URB1: variants seen among roughly 807,000 people sequenced by gnomAD.
URB1 encodes the protein URB1 ribosome biogenesis factor, also known as nucleolar pre-ribosomal-associated protein 1.
URB1 carries 197 observed loss-of-function variants against 242.3 expected under a neutral mutation model. That is an observed-to-expected ratio of 0.81 (90% CI 0.72 to 0.91). The LOEUF is 0.91. URB1 is among the 40% of genes least tolerant of loss of function. The probability of loss-of-function intolerance (pLI) is 0.00; values close to 1 mark genes in which losing one functional copy is unlikely to be tolerated. For missense variants in URB1, 2,721 were observed against 2,860.5 expected, an observed-to-expected ratio of 0.95 and a Z score of 1.11; for synonymous variants, 1,153 against 1,201.8, an observed-to-expected ratio of 0.96 and a Z score of 0.84.
At chr21:32,384,189 T>C in intron 3 of URB1, 124 bp downstream of exon 3, 1 of 1,227,490 alleles carries the variant, frequency 8.1e-7, no homozygotes, top group Non-Finnish European at 1.1e-6. Context: ...TCGGTCACTG[T>C]GGCCTCGGAA....
At chr21:32,368,626 G>A in intron 8 of URB1, 28 bp from the exon 9 acceptor site, 1 of 1,531,470 alleles carries the variant, frequency 6.5e-7, no homozygotes, top group Non-Finnish European at 8.8e-7. Context: ...ATGGGGAGAG[G>A]TCAGCAGAAA....
At chr21:32,340,075 G>T (rs2123569728) in intron 25 of URB1, among the ~76,000 whole-genome samples, 1 of 152,340 alleles carries the variant, frequency 6.6e-6, no homozygotes, top group Middle Eastern at 3.4e-3. Context: ...TTTAACCTAA[G>T]ATGGAAAGAA....
Position 32,368,535 on chromosome 21 carries a change from C to A in URB1, c.1065G>T (p.Leu355=). 1 of 1,551,686 alleles carries A rather than the reference C, an allele frequency of 6.4e-7. No individual in the cohort carries two copies. The highest frequency in any genetic ancestry group is 1.2e-5 in the South Asian group (1 of 84,050). Reference sequence around the variant, plus strand: ...GGATGTTTACCACAAGGTCAGCCACCAGATCATCATCAGCTGCAGTTTTCA... The same window carrying A: ...GGATGTTTACCACAAGGTCAGCCACAAGATCATCATCAGCTGCAGTTTTCA... ...LGLKTAADDD[L]VADLVVNILK... The change falls in exon 9 of 39, where the codon CTG becomes CTT. Residue 355 remains leucine, a synonymous_variant. Coordinates refer to ENST00000382751, the MANE Select transcript of URB1 (RefSeq NM_014825.3).
At chr21:32,340,113 T>C in intron 25 of URB1, among the ~76,000 whole-genome samples, 1 of 152,238 alleles carries the variant, frequency 6.6e-6, no homozygotes, top group East Asian at 1.9e-4. Flanking sequence ...TGGTAACCTA[T>C]AGTTGTCATT....
At position 32,313,067 on chromosome 21, in the gene URB1, T is replaced by C. The variant is rs1390160025; in HGVS notation, c.*1851A>G. Reference sequence around the variant, plus strand: ...AAAAGAAGGTGAGGTGCTGAAAATGTGTCCTCACTTGACTGAGCTGGAACT... The same window carrying C: ...AAAAGAAGGTGAGGTGCTGAAAATGCGTCCTCACTTGACTGAGCTGGAACT... On this transcript the variant is annotated 3_prime_UTR_variant, in exon 39 of 39. Coordinates refer to ENST00000382751, the MANE Select transcript of URB1 (RefSeq NM_014825.3). 1 of 152,252 alleles carries C rather than the reference T, an allele frequency of 6.6e-6. No homozygotes were observed. The highest frequency in any genetic ancestry group is 1.5e-5 in the Non-Finnish European group (1 of 68,058). 9.4% of individuals were successfully genotyped at this position (152,252 alleles called of 1,614,324 possible).
At chr21:32,390,469 G>GGT (rs978076901) in intron 1 of URB1, among the ~76,000 whole-genome samples, 2 of 147,552 alleles carry the variant, frequency 1.4e-5, no homozygotes, top group African/African-American at 5.0e-5. Context: ...TTTTGATGGG[G>GGT]TTTTTTTTTT....
At chr21:32,321,107 A>G (rs532530224) in intron 34 of URB1, among the ~76,000 whole-genome samples, 80 of 152,398 alleles carry the variant, frequency 5.2e-4, no homozygotes, top group Middle Eastern at 3.4e-3. Flanking sequence ...CACATGCCAT[A>G]GAAAACAAAA....
At chr21:32,335,000 C>T (rs1366456993) in intron 28 of URB1, among the ~76,000 whole-genome samples, 1 of 152,316 alleles carries the variant, frequency 6.6e-6, no homozygotes, top group South Asian at 2.1e-4. Context: ...TCCTCCCTCC[C>T]CCATCCACTG....
chr21:32,317,540 C>CCAAGATGGAT, intron 37 of URB1, 136 bp downstream of exon 37: 1 of 1,358,080 alleles, frequency 7.4e-7, no homozygotes, highest in Non-Finnish European at 9.8e-7. Flanking sequence ...ATCCAGGGCT[C>CCAAGATGGAT]CAAGATGGAT....
chr21:32,360,906 A>G, intron 13 of URB1, 101 bp downstream of exon 13: 1 of 747,582 alleles, frequency 1.3e-6, no homozygotes, highest in Non-Finnish European at 2.1e-6. Flanking sequence ...ATGAGCACGC[A>G]GCCAACCGTC....
At chr21:32,353,210 T>C (rs2033178886) in intron 18 of URB1, among the ~76,000 whole-genome samples, 1 of 152,218 alleles carries the variant, frequency 6.6e-6, no homozygotes, top group Non-Finnish European at 1.5e-5. Context: ...CCAATCCGTT[T>C]ACTGTGCCTC....
In URB1 at chr21:32,366,601, C is replaced by G; in HGVS notation, c.1335+17G>C. On this transcript the variant is annotated intron_variant, in intron 10 of 38. Transcript: ENST00000382751. ...GCTGGAGGCAGTTCCAGAAGTGGGG[C>G]AACCACATGGCCTTACGTTTAATGC... 6.4e-7 allele frequency: 1 copy of G among 1,550,604 alleles called. No homozygotes were observed. Among genetic ancestry groups the G allele is most frequent in the Non-Finnish European group, 8.7e-7 (1 of 1,146,440 alleles).
At chr21:32,348,040 A>T (rs1030757699) in intron 21 of URB1, among the ~76,000 whole-genome samples, 1 of 152,134 alleles carries the variant, frequency 6.6e-6, no homozygotes, top group Non-Finnish European at 1.5e-5. Flanking sequence ...ATCGCCTGAG[A>T]CACTCCACCT....
chr21:32,350,721 C>T lies in URB1; in HGVS notation c.2815G>A (p.Val939Met). 1 of 1,551,404 alleles carries T rather than the reference C, an allele frequency of 6.4e-7. No homozygotes were observed. Among genetic ancestry groups the T allele is most frequent in the Non-Finnish European group, 8.7e-7 (1 of 1,146,920 alleles). ...ACGCTGACCTGGCCGAAGTTCTCCA[C>T]AGTGCTCCGCAGGTAGAGCAACACC... ...KQVLLYLRSTVENFGQLGRSV... is the reference protein window; with the variant it reads ...KQVLLYLRSTMENFGQLGRSV... Residue 939 changes from valine (V) to methionine (M), a missense_variant, in exon 20 of 39, where the codon GTG becomes ATG. Transcript: ENST00000382751.
intron 6 of URB1, among the ~76,000 whole-genome samples, chr21:32,374,703 G>C (rs73190628): frequency 0.014 from 2,161 of 152,258 alleles, 20 homozygotes; most frequent in Non-Finnish European, 0.018. Flanking sequence ...GCCATCCTGG[G>C]CATTACAGGA....
chr21:32,337,046 A>G, intron 28 of URB1, 48 bp downstream of exon 28: 2 of 1,516,366 alleles, frequency 1.3e-6, no homozygotes. Flanking sequence ...CTGTGTGGAG[A>G]GCAGGCTGTG....
intron 5 of URB1, chr21:32,377,251 TAC>T (rs2033469598): frequency 1.9e-6 from 1 of 518,778 alleles, no homozygotes; most frequent in East Asian, 5.5e-5. Flanking sequence ...GGTTCAGGGC[TAC>T]AGTTTGCTCT....
chr21:32,314,505 T>C lies in URB1; in HGVS notation c.*413A>G. On this transcript the variant is annotated 3_prime_UTR_variant, in exon 39 of 39. Transcript: ENST00000382751. ...TGCTGAAAAATAAACTTTAAACATCTCTCTTCGTTTTCATAAAAAAAATCT... is the reference window on the plus strand; with the variant it reads ...TGCTGAAAAATAAACTTTAAACATCCCTCTTCGTTTTCATAAAAAAAATCT... 1 of 1,555,588 alleles carries C rather than the reference T, an allele frequency of 6.4e-7. No individual in the cohort carries two copies. The highest frequency in any genetic ancestry group is 8.9e-7 in the Non-Finnish European group (1 of 1,126,806).
chr21:32,383,578 C>T (rs766776555), intron 3 of URB1, 24 bp from the exon 4 acceptor site: 5 of 1,545,846 alleles, frequency 3.2e-6, no homozygotes, highest in Middle Eastern at 3.4e-4. Context: ...CAGAGGAAAT[C>T]GGACACGTCA....
Sources: gnomAD v4.1 joint callset for allele counts (sites outside exome capture counted in the v4.1 genomes callset) on GRCh38, gnomAD v4.1.1 for gene constraint, MANE v1.5 for transcripts, NCBI Gene and HGNC (gene_info 2026-07-23, HGNC 2026-07-21) for gene names.